SLC11A2: variants seen among roughly 807,000 people sequenced by gnomAD.
SLC11A2 encodes the protein solute carrier family 11 member 2, also known as natural resistance-associated macrophage protein 2.
A neutral mutation model predicts 68.0 loss-of-function variants in SLC11A2; 38 were observed. The observed-to-expected ratio is 0.56, with a 90% confidence interval of 0.43 to 0.73. The LOEUF (loss-of-function observed/expected upper bound fraction) is 0.73, where lower values mean the gene tolerates loss of function less well. Among genes scored for constraint, SLC11A2 ranks in the 30% least tolerant of loss-of-function variants. The probability of loss-of-function intolerance (pLI) is 0.00; values close to 1 mark genes in which losing one functional copy is unlikely to be tolerated. For synonymous variants in SLC11A2, 242 were observed against 250.6 expected, an observed-to-expected ratio of 0.97 and a Z score of 0.32; for missense variants, 517 against 690.5, an observed-to-expected ratio of 0.75 and a Z score of 2.82.
In SLC11A2 at chr12:51,008,620, A is replaced by G. The variant is rs1248859497; in HGVS notation, c.39T>C (p.Ser13=). 6.2e-7 allele frequency: 1 copy of G among 1,611,578 alleles called. No homozygotes were observed. Among genetic ancestry groups the G allele is most frequent in the Admixed American group, 1.7e-5 (1 of 60,000 alleles). ...LGPEQKMSDD[S]VSGDHGESAS... ...CAGACTCCCCATGATCTCCAGAAACACTGTCTGAATTAACAGATTTGAAAA... is the reference window on the plus strand; with the variant it reads ...CAGACTCCCCATGATCTCCAGAAACGCTGTCTGAATTAACAGATTTGAAAA... The change falls in exon 3 of 16, where the codon AGT becomes AGC. Residue 13 remains serine, a synonymous_variant. Transcript: ENST00000262052.
intron 1 of SLC11A2, among the ~76,000 whole-genome samples, chr12:51,012,605 T>C (rs17125227): frequency 0.028 from 4,293 of 152,290 alleles, 206 homozygotes; most frequent in African/African-American, 0.099. Context: ...AATCTTTCTA[T>C]CTACCAACAT....
At chr12:50,981,538 G>A (rs2136123043), downstream of SLC11A2, 4 of 549,350 alleles carry the variant, frequency 7.3e-6, no homozygotes, top group East Asian at 6.9e-5. Flanking sequence ...ACTGTTATGA[G>A]GTGGGTGGGT....
At chr12:50,996,626 T>TTAGTAATC (rs1348594670) in intron 9 of SLC11A2, among the ~76,000 whole-genome samples, 191 bp downstream of exon 9, 3 of 151,480 alleles carry the variant, frequency 2.0e-5, no homozygotes, top group Non-Finnish European at 2.9e-5. Context: ...CTTTATGCAG[T>TTAGTAATC]TAGTAATCTC....
At chr12:51,008,334 TATATAG>T in intron 3 of SLC11A2, 136 bp downstream of exon 3, 1 of 656,362 alleles carries the variant, frequency 1.5e-6, no homozygotes, top group Non-Finnish European at 2.7e-6. Context: ...TGTATATATA[TATATAG>T]ATATATAGAT....
In SLC11A2 at chr12:50,994,576, T is replaced by C; in HGVS notation, c.1045A>G (p.Asn349Asp). ...SPHAGLFPKD[N>D]STLAVDIYKG... ...TAGATGTCCACAGCCAGTGTCGAGTTATCTTTAGGAAAGAGGCCAGCATGA... is the reference window on the plus strand; with the variant it reads ...TAGATGTCCACAGCCAGTGTCGAGTCATCTTTAGGAAAGAGGCCAGCATGA... Residue 349 changes from asparagine (N) to aspartate (D), a missense_variant, in exon 11 of 16, where the codon AAC becomes GAC. Transcript: ENST00000262052. The C allele has an allele frequency of 6.2e-7, 1 of 1,612,654 alleles. No individual in the cohort carries two copies. The highest frequency in any genetic ancestry group is 8.5e-7 in the Non-Finnish European group (1 of 1,178,582).
At chr12:51,018,196 A>G (rs552386936) in intron 1 of SLC11A2, among the ~76,000 whole-genome samples, 1 of 152,244 alleles carries the variant, frequency 6.6e-6, no homozygotes, top group Admixed American at 6.5e-5. Context: ...GGAGGTCGAG[A>G]CCAGCCTGGC....
downstream of SLC11A2, among the ~76,000 whole-genome samples, chr12:50,985,554 G>A (rs1370540016): frequency 1.3e-5 from 2 of 152,144 alleles, no homozygotes; most frequent in Non-Finnish European, 2.9e-5. Context: ...TATCAGGTCT[G>A]CCAAAATGCT....
At chr12:50,974,051 T>C in the SLC11A2 span, among the ~76,000 whole-genome samples, 2 of 152,258 alleles carry the variant, frequency 1.3e-5, no homozygotes, top group Admixed American at 6.5e-5. Context: ...TGGAACCAAG[T>C]TGGAAAACAC....
intron 2 of SLC11A2, chr12:51,009,359 G>C: frequency 8.6e-7 from 1 of 1,166,242 alleles, no homozygotes; most frequent in Non-Finnish European, 1.1e-6. Context: ...GCATTTTGCA[G>C]TCAATCTTAA....
the SLC11A2 span, among the ~76,000 whole-genome samples, chr12:50,967,676 A>G: frequency 3.2e-4 from 49 of 152,324 alleles, no homozygotes; most frequent in African/African-American, 1.1e-3. Flanking sequence ...CTTTAAATCT[A>G]AACGGATCAG....
At chr12:51,012,886 C>A (rs1325200950) in intron 1 of SLC11A2, among the ~76,000 whole-genome samples, 1 of 152,200 alleles carries the variant, frequency 6.6e-6, no homozygotes, top group African/African-American at 2.4e-5. Context: ...CAGTCAATGA[C>A]AATAGCACCT....
chr12:50,953,800 C>T, the SLC11A2 span: 1 of 513,494 alleles, frequency 1.9e-6, no homozygotes, highest in Non-Finnish European at 3.5e-6. Flanking sequence ...TTTTTCTTAT[C>T]CCCTTCCCCT....
chr12:50,980,405 A>G (rs1202969994), downstream of SLC11A2: 1 of 155,014 alleles, frequency 6.5e-6, no homozygotes, highest in East Asian at 1.9e-4. Context: ...CTGAAGGAGG[A>G]GAATCGATTA....
At chr12:51,016,179 T>C (rs113808030) in intron 1 of SLC11A2, among the ~76,000 whole-genome samples, 4 of 152,232 alleles carry the variant, frequency 2.6e-5, no homozygotes, top group South Asian at 2.1e-4. Flanking sequence ...GGCAGGCAGA[T>C]TGCTTAAGCC....
At chr12:51,009,373 T>G (rs534460380) in intron 2 of SLC11A2, 1 of 1,086,390 alleles carries the variant, frequency 9.2e-7, no homozygotes, top group East Asian at 3.4e-5. Context: ...ATCTTAAATA[T>G]TGGGAAGCAG....
intron 9 of SLC11A2, 63 bp from the exon 10 acceptor site, chr12:50,995,850 C>G: frequency 1.3e-6 from 2 of 1,549,802 alleles, no homozygotes; most frequent in African/African-American, 1.4e-5. Context: ...TGTGACATTT[C>G]AGGAGTTTGG....
chr12:50,992,772 G>C (rs1213152628), intron 12 of SLC11A2, 38 bp downstream of exon 12: 1 of 1,602,358 alleles, frequency 6.2e-7, no homozygotes, highest in East Asian at 2.2e-5. Context: ...GTAACAAAAG[G>C]GTTGTGTTAT....
At chr12:50,956,543 T>C in the SLC11A2 span, among the ~76,000 whole-genome samples, 167 of 152,344 alleles carry the variant, frequency 1.1e-3, no homozygotes, top group African/African-American at 3.8e-3. Flanking sequence ...GCAACTTCCA[T>C]CATTATAAAT....
chr12:50,956,187 T>A, the SLC11A2 span, among the ~76,000 whole-genome samples: 1 of 152,018 alleles, frequency 6.6e-6, no homozygotes, highest in African/African-American at 2.4e-5. Context: ...AAATCAGGAG[T>A]TTGAGACCAG....
Sources: gnomAD v4.1 joint callset for allele counts (sites outside exome capture counted in the v4.1 genomes callset) on GRCh38, gnomAD v4.1.1 for gene constraint, MANE v1.5 for transcripts, NCBI Gene and HGNC (gene_info 2026-07-23, HGNC 2026-07-21) for gene names.